CYB5R4: variants seen among roughly 807,000 people sequenced by gnomAD.
CYB5R4 encodes the protein cytochrome b5 reductase 4.
Under a neutral mutation model 70.2 loss-of-function variants are expected in CYB5R4, and 55 were observed. That is an observed-to-expected ratio of 0.78 (90% CI 0.63 to 0.98). The LOEUF (loss-of-function observed/expected upper bound fraction) is 0.98. Ranked by LOEUF, CYB5R4 falls within the 50% of genes least tolerant of loss-of-function variation. CYB5R4 has a pLI of 0.00. For missense variants in CYB5R4, 562 were observed against 612.6 expected, an observed-to-expected ratio of 0.92 and a Z score of 0.87; for synonymous variants, 197 against 199.5, an observed-to-expected ratio of 0.99 and a Z score of 0.11.
chr6:83,886,802 A>C (rs1246281565), intron 2 of CYB5R4, among the ~76,000 whole-genome samples: 1 of 152,208 alleles, frequency 6.6e-6, no homozygotes, highest in Non-Finnish European at 1.5e-5. Context: ...AATAAATTTT[A>C]AAATTAGATA....
Position 83,859,767 on chromosome 6 carries a change from G to A in CYB5R4, c.-16G>A, listed in dbSNP as rs770703865. 1.1e-5 allele frequency: 18 copies of A among 1,612,112 alleles called. No individual in the cohort carries two copies. The South Asian group carries it at 1.8e-4, about 16-fold the overall frequency. Reference sequence around the variant, plus strand: ...GGCGGCGATCCCCGGGCAGGGCCCGGGGCCGGGGTTTGAAGATGCTGAACG... The same window carrying A: ...GGCGGCGATCCCCGGGCAGGGCCCGAGGCCGGGGTTTGAAGATGCTGAACG... On this transcript the variant is annotated 5_prime_UTR_variant, in exon 1 of 16. Transcript: ENST00000369681.
chr6:83,899,877 TAGGG>T (rs1416758366), intron 3 of CYB5R4, among the ~76,000 whole-genome samples: 11 of 152,174 alleles, frequency 7.2e-5, no homozygotes, highest in Non-Finnish European at 1.3e-4. Context: ...GTAGTCTTGC[TAGGG>T]GTCTATCAAT....
intron 3 of CYB5R4, among the ~76,000 whole-genome samples, chr6:83,908,083 A>G (rs1294877523): frequency 6.8e-6 from 1 of 147,004 alleles, no homozygotes; most frequent in Non-Finnish European, 1.5e-5. Flanking sequence ...GAACTAATTT[A>G]CAGTCTCACC....
intron 6 of CYB5R4, 21 bp downstream of exon 6, chr6:83,918,086 T>A (rs2099465790): frequency 6.3e-7 from 1 of 1,578,696 alleles, no homozygotes. Flanking sequence ...TTATTTAAAA[T>A]TTTTAAAGTT....
rs1003113520 is a variant in CYB5R4 at position 83,859,966 on chromosome 6, C to T, written c.75+109C>T. ...GCTCCTGCACCCCTCTCTAAGCTGT[C>T]GTTCCCTGCTGTCCTTGCCTGCAAC... On this transcript the variant is annotated intron_variant, in intron 1 of 15. Transcript: ENST00000369681. 1.1e-5 allele frequency: 12 copies of T among 1,064,286 alleles called. 2 individuals carry two copies. Among genetic ancestry groups the T allele is most frequent in the South Asian group, 1.1e-4 (7 of 62,438 alleles). 65.9% of individuals were successfully genotyped at this position (1,064,286 alleles called of 1,614,324 possible).
chr6:83,924,681 G>T, intron 10 of CYB5R4, 89 bp downstream of exon 10: 2 of 1,369,118 alleles, frequency 1.5e-6, no homozygotes, highest in Non-Finnish European at 2.0e-6. Context: ...AGGCTGCTTT[G>T]AAATGAGCTG....
chr6:83,949,015 C>T (rs1036234943), intron 14 of CYB5R4, among the ~76,000 whole-genome samples: 1 of 151,944 alleles, frequency 6.6e-6, no homozygotes, highest in African/African-American at 2.4e-5. Context: ...TTTCTCTCTC[C>T]TCCCTAACCT....
At chr6:83,896,275 A>G (rs1261106751) in intron 3 of CYB5R4, among the ~76,000 whole-genome samples, 1 of 152,152 alleles carries the variant, frequency 6.6e-6, no homozygotes, top group Admixed American at 6.6e-5. Context: ...TGACAGCTAG[A>G]TTAGATTTCT....
intron 14 of CYB5R4, among the ~76,000 whole-genome samples, chr6:83,953,608 G>T (rs2099471864): frequency 6.6e-6 from 1 of 152,076 alleles, no homozygotes; most frequent in Non-Finnish European, 1.5e-5. Context: ...GTTTTTAGGG[G>T]AACTAATATG....
intron 9 of CYB5R4, among the ~76,000 whole-genome samples, chr6:83,923,322 T>A (rs1370292792): frequency 6.6e-6 from 1 of 152,182 alleles, no homozygotes; most frequent in East Asian, 1.9e-4. Context: ...TGGTCCAATG[T>A]TTCCTCTTTT....
chr6:83,923,371 G>A (rs2099466727), intron 9 of CYB5R4, among the ~76,000 whole-genome samples: 1 of 151,982 alleles, frequency 6.6e-6, no homozygotes, highest in African/African-American at 2.4e-5. Context: ...GTATAAATCA[G>A]GCTCTTTAAA....
At chr6:83,861,867 A>G (rs747146415) in intron 1 of CYB5R4, among the ~76,000 whole-genome samples, 2 of 152,198 alleles carry the variant, frequency 1.3e-5, no homozygotes, top group Admixed American at 1.3e-4. Context: ...CTTTATTTAG[A>G]AGTCTGGTGA....
chr6:83,922,417 A>C, intron 8 of CYB5R4, 21 bp from the exon 9 acceptor site: 1 of 1,604,418 alleles, frequency 6.2e-7, no homozygotes, highest in Non-Finnish European at 8.5e-7. Context: ...TATTTTAACT[A>C]AATAAATTTG....
At chr6:83,902,027 A>G (rs1357679285) in intron 3 of CYB5R4, among the ~76,000 whole-genome samples, 1 of 152,116 alleles carries the variant, frequency 6.6e-6, no homozygotes, top group Admixed American at 6.6e-5. Flanking sequence ...TTTAAGTTTA[A>G]TATAGTTACA....
At chr6:83,929,717 A>G (rs2129141384) in intron 10 of CYB5R4, among the ~76,000 whole-genome samples, 1 of 152,302 alleles carries the variant, frequency 6.6e-6, no homozygotes, top group East Asian at 1.9e-4. Flanking sequence ...AGATAATTGA[A>G]TTGCTATTTC....
chr6:83,937,573 G>T (rs1470095568), intron 12 of CYB5R4, among the ~76,000 whole-genome samples: 5 of 152,266 alleles, frequency 3.3e-5, no homozygotes, highest in African/African-American at 1.2e-4. Flanking sequence ...AGGCTGGAGT[G>T]CAGTGGCTCG....
intron 2 of CYB5R4, among the ~76,000 whole-genome samples, chr6:83,877,952 A>G (rs2099458831): frequency 6.6e-6 from 1 of 152,120 alleles, no homozygotes; most frequent in Admixed American, 6.5e-5. Flanking sequence ...TCCAGTTACA[A>G]ACATGTTAGC....
chr6:83,879,086 G>A (rs913638533), intron 2 of CYB5R4, among the ~76,000 whole-genome samples: 4 of 152,148 alleles, frequency 2.6e-5, no homozygotes, highest in African/African-American at 9.6e-5. Context: ...CTCAGTCTTA[G>A]ACAGGTTTTA....
intron 10 of CYB5R4, among the ~76,000 whole-genome samples, chr6:83,928,927 G>A (rs577718679): frequency 6.6e-6 from 1 of 152,178 alleles, no homozygotes; most frequent in East Asian, 1.9e-4. Context: ...AATTTCTTGA[G>A]GCTTTCCATG....
Sources: allele counts gnomAD v4.1 joint callset (sites outside exome capture counted in the v4.1 genomes callset), GRCh38; gene constraint gnomAD v4.1.1; transcripts MANE v1.5; gene names NCBI Gene and HGNC (gene_info 2026-07-23, HGNC 2026-07-21).